TMPRSS9: variants seen among roughly 807,000 people sequenced by gnomAD.
The protein encoded by TMPRSS9 is transmembrane protease serine 9.
In TMPRSS9, 113 loss-of-function variants were observed where a neutral mutation model predicts 111.4. The observed-to-expected ratio is 1.01, with a 90% CI of 0.87 to 1.19. The LOEUF (loss-of-function observed/expected upper bound fraction) is 1.19. Ranked by LOEUF, TMPRSS9 falls within the 50% of genes most tolerant of loss-of-function variation. The probability of loss-of-function intolerance (pLI) is 0.00; values close to 1 mark genes in which losing one functional copy is unlikely to be tolerated. For synonymous variants in TMPRSS9, 805 were observed against 659.1 expected (o/e 1.22, Z -3.39); for missense variants, 1,803 against 1,513.1 (o/e 1.19, Z -3.18).
intron 4 of TMPRSS9, among the ~76,000 whole-genome samples, chr19:2,400,995 C>T (rs1452492839): frequency 1.3e-5 from 2 of 148,656 alleles, no homozygotes; most frequent in African/African-American, 5.0e-5. Context: ...AAAAAAATGG[C>T]CGGGCGCGGT....
rs373664796 is a variant in TMPRSS9 at position 2,396,511 on chromosome 19, C to T, written c.143-28C>T. ...AGCCCTGAGCCCCCAAAGGTGGGCT[C>T]TCTCACGGGCCCTGGTCTCGTCCCC... is the stretch of plus-strand genomic sequence containing the variant. On this transcript the variant is annotated intron_variant, in intron 1 of 17. Coordinates refer to ENST00000648592, the Ensembl canonical transcript of TMPRSS9. The T allele has an allele frequency of 4.3e-5, 68 of 1,569,356 alleles. No individual in the cohort carries two copies. In the Admixed American group the frequency reaches 1.2e-3, roughly 27 times the overall value.
intron 2 of TMPRSS9, among the ~76,000 whole-genome samples, chr19:2,397,418 G>A (rs1411612726): frequency 6.6e-6 from 1 of 152,008 alleles, no homozygotes; most frequent in Non-Finnish European, 1.5e-5. Context: ...AGCCTCCTGA[G>A]TAGCCAGGGT....
intron 15 of TMPRSS9, 58 bp from the exon 17 acceptor site, chr19:2,424,944 G>A: frequency 7.2e-7 from 1 of 1,390,498 alleles, no homozygotes; most frequent in Non-Finnish European, 9.3e-7. Context: ...GACACCACAG[G>A]GGCGGGGGCC....
chr19:2,393,438 G>A (rs1184030868), intron 1 of TMPRSS9, among the ~76,000 whole-genome samples: 4 of 152,072 alleles, frequency 2.6e-5, no homozygotes, highest in East Asian at 3.8e-4. Flanking sequence ...AAGAAATTCC[G>A]AACACATCCG....
At chr19:2,424,597 C>G (rs1404089549) in intron 15 of TMPRSS9, among the ~76,000 whole-genome samples, 2 of 151,794 alleles carry the variant, frequency 1.3e-5, no homozygotes, top group African/African-American at 4.8e-5. Context: ...TTCCCCAGCC[C>G]TCGCCCCTGG....
intron 1 of TMPRSS9, among the ~76,000 whole-genome samples, chr19:2,380,346 A>G (rs567087210): frequency 1.3e-5 from 2 of 152,160 alleles, no homozygotes; most frequent in South Asian, 4.1e-4. Context: ...CTGTAATCCC[A>G]GGACTTTGGG....
chr19:2,421,842 C>A lies in TMPRSS9; in HGVS notation c.2155-12C>A, dbSNP rs776945390. On this transcript the variant is annotated splice_polypyrimidine_tract_variant and intron_variant, in intron 13 of 17. Coordinates refer to ENST00000648592, the Ensembl canonical transcript of TMPRSS9. ...CTGGAGGACCAACCAGTGCTCTTTC[C>A]TTCCTTTCTAGGGTGACTCTGGGGG... 1 of 1,580,202 alleles carries A rather than the reference C, an allele frequency of 6.3e-7. No individual in the cohort carries two copies. The highest frequency in any genetic ancestry group is 1.4e-5 in the African/African-American group (1 of 73,894).
exon 15 of TMPRSS9, chr19:2,424,168 G>T: frequency 6.8e-7 from 1 of 1,468,246 alleles, no homozygotes; most frequent in Non-Finnish European, 9.0e-7. Context: ...CGTGGCAGGT[G>T]AGCCTGTGGC....
At chr19:2,394,635 G>T (rs1970670127) in intron 1 of TMPRSS9, among the ~76,000 whole-genome samples, 1 of 152,038 alleles carries the variant, frequency 6.6e-6, no homozygotes, top group East Asian at 1.9e-4. Flanking sequence ...ACCGTTTTTA[G>T]AATTGGTTCA....
intron 1 of TMPRSS9, among the ~76,000 whole-genome samples, chr19:2,369,289 G>A (rs559554933): frequency 6.6e-6 from 1 of 152,276 alleles, no homozygotes; most frequent in African/African-American, 2.4e-5. Flanking sequence ...GGGTGAGTAC[G>A]AAAGTGGAGC....
intron 1 of TMPRSS9, among the ~76,000 whole-genome samples, chr19:2,395,867 G>A (rs1197638111): frequency 5.9e-5 from 9 of 152,004 alleles, no homozygotes; most frequent in African/African-American, 1.4e-4. Context: ...AATTAGCCAC[G>A]CGTGGTCGTG....
chr19:2,424,109 G>T, exon 15 of TMPRSS9: 6 of 1,330,914 alleles, frequency 4.5e-6, no homozygotes, highest in Non-Finnish European at 5.8e-6. Context: ...GGCGCCGGCC[G>T]CGCTCACCAG....
chr19:2,360,624 G>A (rs542777108), intron 1 of TMPRSS9, among the ~76,000 whole-genome samples: 3 of 152,094 alleles, frequency 2.0e-5, no homozygotes, highest in African/African-American at 7.2e-5. Flanking sequence ...CAGGTGCCGC[G>A]TGTAGATGTG....
chr19:2,425,462 G>A (rs867840391), exon 17 of TMPRSS9: 2 of 1,591,458 alleles, frequency 1.3e-6, no homozygotes, highest in Non-Finnish European at 8.5e-7. Flanking sequence ...CTGTGTGCCG[G>A]CTTCCCGCAG....
chr19:2,366,558 G>A (rs1414674716), intron 1 of TMPRSS9, among the ~76,000 whole-genome samples: 1 of 152,100 alleles, frequency 6.6e-6, no homozygotes, highest in African/African-American at 2.4e-5. Context: ...TGAGGTTGCA[G>A]TTAAGACATG....
chr19:2,416,280 G>A lies in TMPRSS9; in HGVS notation c.1746-258G>A, dbSNP rs1049075140. The A allele has an allele frequency of 1.3e-5, 7 of 527,008 alleles. 1 individual carries two copies. The South Asian group carries it at 1.5e-4, about 11-fold the overall frequency. The allele number at this position is 527,008 out of a possible 1,614,324, so 32.6% of individuals were successfully genotyped here. A position where few individuals can be genotyped will look rare whatever the true frequency, so the allele number is the denominator to read the frequency against. ...TAAAGCTGTAGGGGGTTGGGGGGGG[G>A]CATTGGCACAGGTGTAGAAAATGAA... On this transcript the variant is annotated intron_variant, in intron 11 of 17. Transcript: ENST00000648592.
In TMPRSS9 at chr19:2,363,807, T is replaced by TGC. The variant is rs1269194641; in HGVS notation, c.-26+3453_-26+3454dup. ...GTGTGTGAGTGTGTGTGTGTGTGCGTGCGCGCGTGTGTGTGTGAGAGAGAG... is the reference window on the plus strand; with the variant it reads ...GTGTGTGAGTGTGTGTGTGTGTGCGTGCGCGCGCGTGTGTGTGTGAGAGAGAG... On this transcript the variant is annotated intron_variant, in intron 1 of 17. Transcript: ENST00000649857. Among the ~76,000 whole-genome samples, 412 of 106,020 alleles carry TGC rather than the reference T, an allele frequency of 3.9e-3. 14 individuals carry two copies. The East Asian group carries it at 0.079, about 20-fold the overall frequency. The allele number at this position is 106,020 out of a possible 152,430, so 69.6% of individuals were successfully genotyped here. A position where few individuals can be genotyped will look rare whatever the true frequency, so the allele number is the denominator to read the frequency against.
intron 1 of TMPRSS9, among the ~76,000 whole-genome samples, chr19:2,381,624 C>G (rs1039081661): frequency 6.6e-6 from 1 of 151,862 alleles, no homozygotes; most frequent in Admixed American, 6.6e-5. Context: ...CCATGCCGCC[C>G]CTGCCTCACT....
chr19:2,389,984 C>A, intron 1 of TMPRSS9, 57 bp downstream of exon 2: 1 of 1,559,382 alleles, frequency 6.4e-7, no homozygotes, highest in African/African-American at 1.4e-5. Flanking sequence ...GCAAAGTCAC[C>A]GGGAAGTGAC....
Sources: allele counts gnomAD v4.1 joint callset (sites outside exome capture counted in the v4.1 genomes callset), GRCh38; gene constraint gnomAD v4.1.1; transcripts MANE v1.5; gene names NCBI Gene and HGNC (gene_info 2026-07-23, HGNC 2026-07-21).